ANO4: variants seen among roughly 807,000 people sequenced by gnomAD.
The protein encoded by ANO4 is anoctamin 4.
In ANO4, 69 loss-of-function variants were observed where a neutral mutation model predicts 141.9. The ratio of observed to expected loss-of-function variants is 0.49; its 90% CI spans 0.40 to 0.59. The LOEUF (loss-of-function observed/expected upper bound fraction) is 0.59. Among genes scored for constraint, ANO4 ranks in the 20% least tolerant of loss-of-function variants. The pLI is 0.00. For missense variants in ANO4, 894 were observed against 1,162.2 expected (o/e 0.77, Z 3.36); for synonymous variants, 350 against 394.3 (o/e 0.89, Z 1.33).
intron 17 of ANO4, among the ~76,000 whole-genome samples, chr12:101,092,365 C>T (rs545785668): frequency 3.3e-5 from 5 of 152,162 alleles, no homozygotes; most frequent in Non-Finnish European, 4.4e-5. Context: ...AGCTTTCTGC[C>T]GGTTACAGAT....
chr12:101,098,915 C>T (rs774650405), intron 21 of ANO4, among the ~76,000 whole-genome samples: 2 of 152,092 alleles, frequency 1.3e-5, no homozygotes, highest in African/African-American at 2.4e-5. Context: ...TCAACTTTTT[C>T]CTTGTCCTGT....
chr12:100,798,272 A>G (rs1357118509), intron 1 of ANO4, among the ~76,000 whole-genome samples: 1 of 152,192 alleles, frequency 6.6e-6, no homozygotes, highest in Admixed American at 6.5e-5. Flanking sequence ...GCTTTTCCCA[A>G]TATTATTTAG....
chr12:101,010,442 T>C (rs2046038545), intron 8 of ANO4, among the ~76,000 whole-genome samples: 1 of 152,176 alleles, frequency 6.6e-6, no homozygotes, highest in Admixed American at 6.5e-5. Context: ...AACTTTAAAA[T>C]CTTTACCAAA....
intron 3 of ANO4, among the ~76,000 whole-genome samples, chr12:100,749,887 G>A (rs955056191): frequency 1.4e-4 from 22 of 152,136 alleles, no homozygotes; most frequent in African/African-American, 5.1e-4. Context: ...GGGATAATGC[G>A]AGGGACATTT....
chr12:100,923,471 C>A (rs750008863), intron 3 of ANO4, among the ~76,000 whole-genome samples: 3 of 141,446 alleles, frequency 2.1e-5, no homozygotes, highest in African/African-American at 3.1e-5. Flanking sequence ...TGAACTCATC[C>A]TTTTTTATGG....
chr12:101,100,168 A>G (rs968984039), intron 22 of ANO4, among the ~76,000 whole-genome samples: 1 of 152,206 alleles, frequency 6.6e-6, no homozygotes, highest in African/African-American at 2.4e-5. Context: ...TACTTGGTAC[A>G]TGTTACTTAT....
chr12:100,971,254 C>G (rs1326144686), intron 5 of ANO4, 52 bp from the exon 6 acceptor site: 5 of 1,343,492 alleles, frequency 3.7e-6, no homozygotes, highest in Non-Finnish European at 5.3e-6. Flanking sequence ...TCAACTTAAA[C>G]TGTGGGAGCC....
chr12:100,900,934 A>G (rs909263602), intron 1 of ANO4, among the ~76,000 whole-genome samples: 4 of 152,228 alleles, frequency 2.6e-5, no homozygotes, highest in African/African-American at 9.6e-5. Flanking sequence ...AAAGATACAC[A>G]TTGAACTCAG....
chr12:101,050,518 G>A (rs921706296), intron 14 of ANO4, among the ~76,000 whole-genome samples: 15 of 152,162 alleles, frequency 9.9e-5, no homozygotes, highest in South Asian at 2.1e-4. Flanking sequence ...ATCATACACC[G>A]TGATTCGGAT....
intron 1 of ANO4, among the ~76,000 whole-genome samples, chr12:100,816,969 C>T (rs1261677584): frequency 8.6e-6 from 1 of 116,712 alleles, no homozygotes; most frequent in Non-Finnish European, 1.8e-5. Flanking sequence ...GAGATTAGAA[C>T]ATCTGATTTC....
intron 1 of ANO4, among the ~76,000 whole-genome samples, chr12:100,901,137 T>A (rs551740612): frequency 9.1e-4 from 138 of 152,220 alleles, no homozygotes; most frequent in African/African-American, 3.2e-3. Context: ...ATTGGAAAAA[T>A]CTTGATATTT....
At chr12:100,759,250 T>C (rs1417367579) in intron 3 of ANO4, among the ~76,000 whole-genome samples, 1 of 152,204 alleles carries the variant, frequency 6.6e-6, no homozygotes, top group African/African-American at 2.4e-5. Context: ...GTGGGTGTTT[T>C]TGTGTGGTGA....
chr12:100,768,180 A>G (rs1241354820), intron 3 of ANO4, among the ~76,000 whole-genome samples: 2 of 152,194 alleles, frequency 1.3e-5, no homozygotes, highest in Admixed American at 1.3e-4. Context: ...CTGGGGCCAT[A>G]GGGGCTGGCC....
chr12:100,878,596 A>T (rs756914921), intron 1 of ANO4, among the ~76,000 whole-genome samples: 1 of 152,166 alleles, frequency 6.6e-6, no homozygotes, highest in African/African-American at 2.4e-5. Context: ...GTCTTCCTCT[A>T]CCCATAAAAA....
intron 1 of ANO4, among the ~76,000 whole-genome samples, chr12:100,841,085 G>T (rs2037221882): frequency 6.6e-6 from 1 of 152,116 alleles, no homozygotes; most frequent in East Asian, 1.9e-4. Flanking sequence ...AAAGATGCCT[G>T]TGCCTCATCA....
intron 8 of ANO4, among the ~76,000 whole-genome samples, chr12:101,017,588 A>G (rs931118192): frequency 1.3e-5 from 2 of 152,204 alleles, no homozygotes; most frequent in African/African-American, 2.4e-5. Context: ...CAGGAGACTC[A>G]GCCTCCAGGC....
chr12:101,014,036 G>T (rs1437116357), intron 8 of ANO4, among the ~76,000 whole-genome samples: 1 of 152,140 alleles, frequency 6.6e-6, no homozygotes, highest in East Asian at 1.9e-4. Flanking sequence ...TATCTATGAA[G>T]GTGTAGGTTC....
At chr12:100,932,918 A>C (rs2042138340) in intron 3 of ANO4, among the ~76,000 whole-genome samples, 1 of 152,008 alleles carries the variant, frequency 6.6e-6, no homozygotes, top group Non-Finnish European at 1.5e-5. Flanking sequence ...TTTTAGGCTG[A>C]GCTTCTAATC....
chr12:100,811,191 G>T (rs1381644299), intron 1 of ANO4, among the ~76,000 whole-genome samples: 4 of 152,154 alleles, frequency 2.6e-5, no homozygotes, highest in African/African-American at 9.7e-5. Context: ...TCTTGGGAAT[G>T]TGGGGTCAAT....
Sources: allele counts gnomAD v4.1 joint callset (sites outside exome capture counted in the v4.1 genomes callset), GRCh38; gene constraint gnomAD v4.1.1; transcripts MANE v1.5; gene names NCBI Gene and HGNC (gene_info 2026-07-23, HGNC 2026-07-21).